SFMBT2: variants seen among roughly 807,000 people sequenced by gnomAD.
SFMBT2 encodes the protein Scm like with four mbt domains 2.
A neutral mutation model predicts 110.1 loss-of-function variants in SFMBT2; 38 were observed. The observed-to-expected ratio is 0.35, with a 90% confidence interval of 0.27 to 0.45. The LOEUF (loss-of-function observed/expected upper bound fraction) is 0.45, where lower values mean the gene tolerates loss of function less well. Among genes scored for constraint, SFMBT2 ranks in the 20% least tolerant of loss-of-function variants. SFMBT2 has a pLI of 1.00. For missense variants in SFMBT2, 1,011 were observed against 1,094.9 expected, an observed-to-expected ratio of 0.92 and a Z score of 1.08; for synonymous variants, 425 against 425.4, an observed-to-expected ratio of 1.00 and a Z score of 0.01.
At chr10:7,371,920 A>ATTTTTTTTTTTTT (rs762872004) in intron 2 of SFMBT2, among the ~76,000 whole-genome samples, 3 of 77,734 alleles carry the variant, frequency 3.9e-5, no homozygotes, top group Admixed American at 1.9e-4. Flanking sequence ...TCCACCTGTA[A>ATTTTTTTTTTTTT]TTTTTTTTTT....
chr10:7,234,499 A>T (rs1443349169), intron 9 of SFMBT2, among the ~76,000 whole-genome samples: 3 of 152,246 alleles, frequency 2.0e-5, no homozygotes, highest in African/African-American at 7.2e-5. Flanking sequence ...TGAAGAATGA[A>T]GTGAATTTAA....
chr10:7,405,532 T>C (rs1271946052), intron 1 of SFMBT2, among the ~76,000 whole-genome samples: 1 of 152,212 alleles, frequency 6.6e-6, no homozygotes, highest in Non-Finnish European at 1.5e-5. Flanking sequence ...ACAGCTCAGC[T>C]GCTGCCTTCA....
At chr10:7,374,125 G>T (rs1845137344) in intron 2 of SFMBT2, among the ~76,000 whole-genome samples, 2 of 152,242 alleles carry the variant, frequency 1.3e-5, no homozygotes, top group African/African-American at 4.8e-5. Flanking sequence ...AGCCAGGGGT[G>T]GTGGCATGCA....
At chr10:7,398,613 G>C (rs978307065) in intron 1 of SFMBT2, among the ~76,000 whole-genome samples, 2 of 152,008 alleles carry the variant, frequency 1.3e-5, no homozygotes, top group Non-Finnish European at 2.9e-5. Context: ...GTGGGTACAT[G>C]GTGTAAATGG....
chr10:7,367,624 C>T lies in SFMBT2; in HGVS notation c.436+25G>A, dbSNP rs200757345. 4.5e-5 allele frequency: 72 copies of T among 1,597,290 alleles called. No homozygotes were observed. Among genetic ancestry groups the T allele is most frequent in the East Asian group, 9.0e-5 (4 of 44,578 alleles). ...TCATGAAGGATGGCGGCTCGTAAAT[C>T]GAAGCCTTTGAAACAGGGGCTCACC... On this transcript the variant is annotated intron_variant, in intron 4 of 20. Coordinates refer to ENST00000397167, the MANE Select transcript of SFMBT2 (RefSeq NM_001387889.1). The surrounding 1 kb of genome is among the most constrained non-coding windows in gnomAD (Gnocchi z 6.2).
chr10:7,192,136 G>A (rs567220248), intron 15 of SFMBT2, among the ~76,000 whole-genome samples: 8 of 152,158 alleles, frequency 5.3e-5, no homozygotes, highest in Non-Finnish European at 1.2e-4. Flanking sequence ...CCACCCGTAA[G>A]CCTGGCACAT....
intron 4 of SFMBT2, among the ~76,000 whole-genome samples, chr10:7,307,421 G>T (rs1009807233): frequency 2.6e-5 from 4 of 152,166 alleles, no homozygotes; most frequent in African/African-American, 9.7e-5. Flanking sequence ...TAGGGACCCT[G>T]CCATACAGAT....
chr10:7,172,234 G>A lies in SFMBT2; in HGVS notation c.2152-76C>T. 6.7e-7 allele frequency: 1 copy of A among 1,493,428 alleles called. No homozygotes were observed. The highest frequency in any genetic ancestry group is 8.9e-7 in the Non-Finnish European group (1 of 1,123,354). The allele number at this position is 1,493,428 out of a possible 1,614,324, so 92.5% of individuals were successfully genotyped here. A position where few individuals can be genotyped will look rare whatever the true frequency, so the allele number is the denominator to read the frequency against. Reference sequence around the variant, plus strand: ...GCGGTGGCCCCGCGGTCAGACCCTGGGCCCAGTGCAGACCACCTAGCAAAC... The same window carrying A: ...GCGGTGGCCCCGCGGTCAGACCCTGAGCCCAGTGCAGACCACCTAGCAAAC... On this transcript the variant is annotated intron_variant, in intron 18 of 20. Coordinates refer to ENST00000397167, the MANE Select transcript of SFMBT2 (RefSeq NM_001387889.1). The surrounding 1 kb of genome is among the most constrained non-coding windows in gnomAD (Gnocchi z 4.6).
chr10:7,368,232 G>T, intron 3 of SFMBT2: 1 of 593,566 alleles, frequency 1.7e-6, no homozygotes, highest in Non-Finnish European at 2.1e-6. Context: ...CTAAAACCTG[G>T]TGTGTATTCT....
intron 4 of SFMBT2, among the ~76,000 whole-genome samples, chr10:7,355,326 T>G (rs667617): frequency 0.079 from 12,062 of 152,136 alleles, 571 homozygotes; most frequent in Non-Finnish European, 0.11. Context: ...ATTAAATATT[T>G]TATCTATTTT....
chr10:7,203,704 T>C (rs1588799240), intron 12 of SFMBT2: 1 of 983,720 alleles, frequency 1.0e-6, no homozygotes, highest in Non-Finnish European at 1.2e-6. Context: ...CTGAGCAAGG[T>C]CAGAATCTGC....
chr10:7,253,825 C>A (rs201627756), intron 7 of SFMBT2, among the ~76,000 whole-genome samples: 72 of 134,020 alleles, frequency 5.4e-4, no homozygotes, highest in South Asian at 7.1e-4. Context: ...AATCAACAAC[C>A]AAAAAAAAAA....
intron 10 of SFMBT2, among the ~76,000 whole-genome samples, chr10:7,223,599 G>A (rs1448496902): frequency 3.3e-5 from 5 of 151,870 alleles, no homozygotes; most frequent in East Asian, 3.9e-4. Context: ...TTCCTCTCTC[G>A]TTCCGATTAA....
At chr10:7,218,746 T>C (rs1015280974) in intron 11 of SFMBT2, among the ~76,000 whole-genome samples, 7 of 152,202 alleles carry the variant, frequency 4.6e-5, no homozygotes, top group Non-Finnish European at 8.8e-5. Flanking sequence ...ATGTTAAATA[T>C]ACACTAAATG....
chr10:7,277,091 C>T (rs553571754), intron 6 of SFMBT2, 102 bp from the exon 7 acceptor site: 93 of 721,922 alleles, frequency 1.3e-4, no homozygotes, highest in African/African-American at 1.2e-3. Context: ...TACCTCAGCA[C>T]GGTCAGTGAC....
At chr10:7,285,426 TG>T (rs1399486013) in intron 5 of SFMBT2, 2 of 152,560 alleles carry the variant, frequency 1.3e-5, no homozygotes, top group African/African-American at 4.8e-5. Flanking sequence ...GTTCAAATCT[TG>T]GGGTTATGCG....
chr10:7,404,135 A>G (rs999805410), intron 1 of SFMBT2, among the ~76,000 whole-genome samples: 3 of 152,228 alleles, frequency 2.0e-5, no homozygotes, highest in African/African-American at 4.8e-5. Flanking sequence ...TTTTTAAAAT[A>G]AAGAGTATTT....
At chr10:7,182,563 G>A (rs1041772446) in intron 16 of SFMBT2, among the ~76,000 whole-genome samples, 2 of 151,922 alleles carry the variant, frequency 1.3e-5, no homozygotes, top group East Asian at 3.9e-4. Flanking sequence ...TCATGTCCTT[G>A]GTAGGGACAT....
In SFMBT2 at chr10:7,161,404, CAA is replaced by C. The variant is rs1223566022; in HGVS notation, c.*2364_*2365del. 1 of 152,296 alleles carries C rather than the reference CAA, an allele frequency of 6.6e-6. No individual in the cohort carries two copies. The highest frequency in any genetic ancestry group is 1.5e-5 in the Non-Finnish European group (1 of 68,084). 9.4% of individuals were successfully genotyped at this position (152,296 alleles called of 1,614,324 possible). ...TGAAAAGGCCACAGTGAAGGATCAT[CAA>C]AGAGTCAGCGCGGGGAAAATGCCAA... On this transcript the variant is annotated 3_prime_UTR_variant, in exon 21 of 21. Transcript: ENST00000397167.
Sources: allele counts gnomAD v4.1 joint callset (sites outside exome capture counted in the v4.1 genomes callset), GRCh38; gene constraint gnomAD v4.1.1; non-coding constraint Gnocchi (gnomAD v3.1); transcripts MANE v1.5; gene names NCBI Gene and HGNC (gene_info 2026-07-23, HGNC 2026-07-21).